Variants in DLG2 observed in about 807,000 individuals in gnomAD.
DLG2 encodes the protein disks large homolog 2.
Under a neutral mutation model 132.5 loss-of-function variants are expected in DLG2, and 45 were observed. The observed-to-expected ratio is 0.34, with a 90% confidence interval of 0.27 to 0.44. The LOEUF is 0.44. Ranked by LOEUF, DLG2 falls within the 20% of genes least tolerant of loss-of-function variation. DLG2 has a pLI of 1.00. For missense variants in DLG2, 1,045 were observed against 1,196.9 expected (o/e 0.87, Z 1.87); for synonymous variants, 424 against 419.6 (o/e 1.01, Z -0.13).
chr11:85,076,734 A>T (rs548546580), intron 6 of DLG2, among the ~76,000 whole-genome samples: 5 of 152,160 alleles, frequency 3.3e-5, no homozygotes, highest in African/African-American at 1.2e-4. Flanking sequence ...TAAAGGCCTC[A>T]TTCAAACCAC....
intron 6 of DLG2, among the ~76,000 whole-genome samples, chr11:85,049,447 A>ATC (rs764746042): frequency 0.056 from 8,509 of 152,136 alleles, 331 homozygotes; most frequent in Non-Finnish European, 0.08. Context: ...ATCATTAGAT[A>ATC]AAAATTCCTC....
At chr11:85,524,585 T>C (rs773228823) in intron 3 of DLG2, among the ~76,000 whole-genome samples, 48 of 152,152 alleles carry the variant, frequency 3.2e-4, no homozygotes, top group Non-Finnish European at 5.7e-4. Flanking sequence ...CTCCACTTCC[T>C]GGGATCAAGC....
At chr11:83,866,209 T>C (rs1294540948) in intron 16 of DLG2, among the ~76,000 whole-genome samples, 2 of 152,156 alleles carry the variant, frequency 1.3e-5, no homozygotes, top group Non-Finnish European at 2.9e-5. Context: ...ATATTCCTAA[T>C]TGAATTTATT....
At chr11:84,881,945 T>G (rs1325736197) in intron 6 of DLG2, among the ~76,000 whole-genome samples, 3 of 152,130 alleles carry the variant, frequency 2.0e-5, no homozygotes, top group Admixed American at 6.6e-5. Context: ...CCTTTTATTC[T>G]GTTTAAAGTT....
At chr11:85,464,331 T>G (rs2092712798) in intron 3 of DLG2, among the ~76,000 whole-genome samples, 1 of 152,154 alleles carries the variant, frequency 6.6e-6, no homozygotes, top group East Asian at 1.9e-4. Flanking sequence ...ACAGAAGAAC[T>G]GGAGTTACCA....
At chr11:85,561,177 G>A (rs1257392648) in intron 3 of DLG2, among the ~76,000 whole-genome samples, 2 of 150,304 alleles carry the variant, frequency 1.3e-5, no homozygotes, top group East Asian at 1.9e-4. Context: ...AAAACATAGT[G>A]AGACTCCATT....
At chr11:83,787,153 A>T (rs1003570261) in intron 17 of DLG2, among the ~76,000 whole-genome samples, 10 of 152,062 alleles carry the variant, frequency 6.6e-5, no homozygotes, top group Non-Finnish European at 1.2e-4. Context: ...AGAGAGACAC[A>T]TGTAATGTAA....
At chr11:84,519,178 T>G (rs2099285304) in intron 7 of DLG2, among the ~76,000 whole-genome samples, 1 of 152,136 alleles carries the variant, frequency 6.6e-6, no homozygotes, top group Non-Finnish European at 1.5e-5. Context: ...GAAGAAGAAT[T>G]CAGTTCAGGT....
At chr11:84,169,232 A>G (rs1355501912) in intron 8 of DLG2, among the ~76,000 whole-genome samples, 1 of 152,204 alleles carries the variant, frequency 6.6e-6, no homozygotes, top group Non-Finnish European at 1.5e-5. Flanking sequence ...CTAAAATCCC[A>G]AACAGTTTTC....
chr11:85,589,187 G>T (rs78894280), intron 3 of DLG2, among the ~76,000 whole-genome samples: 5,508 of 152,282 alleles, frequency 0.036, 152 homozygotes, highest in Admixed American at 0.053. Context: ...ACAGATTTAG[G>T]ACCACTGGTT....
intron 3 of DLG2, among the ~76,000 whole-genome samples, chr11:85,402,184 A>T (rs1172656628): frequency 6.6e-6 from 1 of 151,264 alleles, no homozygotes; most frequent in Non-Finnish European, 1.5e-5. Context: ...CTGAAATAAC[A>T]CCACACATCT....
At chr11:84,938,385 C>T (rs2048996073) in intron 6 of DLG2, among the ~76,000 whole-genome samples, 1 of 152,016 alleles carries the variant, frequency 6.6e-6, no homozygotes, top group Non-Finnish European at 1.5e-5. Flanking sequence ...TTGAGAAAAT[C>T]ATAAATTATG....
chr11:84,421,727 T>C (rs1050730888), intron 7 of DLG2, among the ~76,000 whole-genome samples: 1 of 152,202 alleles, frequency 6.6e-6, no homozygotes, highest in African/African-American at 2.4e-5. Context: ...CCAGCTGACC[T>C]AAGCAAAGTC....
chr11:85,617,152 A>G (rs2081392380), intron 2 of DLG2, among the ~76,000 whole-genome samples: 1 of 152,174 alleles, frequency 6.6e-6, no homozygotes, highest in Non-Finnish European at 1.5e-5. Flanking sequence ...AGTCCAGCTC[A>G]CGGATTACCT....
intron 7 of DLG2, among the ~76,000 whole-genome samples, chr11:84,380,880 T>A (rs1351038152): frequency 6.6e-6 from 1 of 151,988 alleles, no homozygotes; most frequent in Non-Finnish European, 1.5e-5. Context: ...GAGCTACATT[T>A]CATATCATAT....
intron 4 of DLG2, among the ~76,000 whole-genome samples, chr11:85,235,131 A>C (rs1476669312): frequency 6.6e-6 from 1 of 152,052 alleles, no homozygotes; most frequent in African/African-American, 2.4e-5. Context: ...AATATTGGCC[A>C]GTATATTCAA....
At chr11:85,307,116 C>T (rs373388013) in intron 3 of DLG2, among the ~76,000 whole-genome samples, 6 of 152,120 alleles carry the variant, frequency 3.9e-5, no homozygotes, top group South Asian at 4.1e-4. Flanking sequence ...CACAGTATAA[C>T]GAAAGAAGAC....
intron 3 of DLG2, among the ~76,000 whole-genome samples, chr11:85,504,526 T>A (rs1255723448): frequency 2.0e-5 from 3 of 152,196 alleles, no homozygotes; most frequent in African/African-American, 7.2e-5. Flanking sequence ...TGGTTGTAGA[T>A]GTGTGGTATT....
At chr11:85,243,621 A>G (rs1479043068) in intron 4 of DLG2, among the ~76,000 whole-genome samples, 1 of 151,944 alleles carries the variant, frequency 6.6e-6, no homozygotes, top group Non-Finnish European at 1.5e-5. Flanking sequence ...GGCCTTACCA[A>G]TGCATGAGAC....
Sources: gnomAD v4.1 joint callset for allele counts (sites outside exome capture counted in the v4.1 genomes callset) on GRCh38, gnomAD v4.1.1 for gene constraint, MANE v1.5 for transcripts, NCBI Gene and HGNC (gene_info 2026-07-23, HGNC 2026-07-21) for gene names.